The following ZNF618 variants were observed in gnomAD, a reference collection of about 807,000 sequenced individuals.
The protein encoded by ZNF618 is zinc finger protein 618, also known as neural precursor cell expressed, developmentally down-regulated 10.
ZNF618 carries 34 observed loss-of-function variants against 103.0 expected under a neutral mutation model. That is an observed-to-expected ratio of 0.33 (90% confidence interval 0.25 to 0.44). The LOEUF is 0.44. Among genes scored for constraint, ZNF618 ranks in the 20% least tolerant of loss-of-function variants. The pLI is 1.00. For missense variants in ZNF618, 1,059 were observed against 1,295.4 expected (o/e 0.82, Z 2.80); for synonymous variants, 551 against 542.2 (o/e 1.02, Z -0.23).
rs1845038122 is a variant in ZNF618 at position 114,040,346 on chromosome 9, T to A, written c.1246+3969T>A. Reference sequence around the variant, plus strand: ...GCTACTTGTTTTCTTTCTTTTTTTTTTTTTTATTGTACTTTAAGTTCTAGG... The same window carrying A: ...GCTACTTGTTTTCTTTCTTTTTTTTATTTTTATTGTACTTTAAGTTCTAGG... On this transcript the variant is annotated intron_variant, in intron 13 of 14. Coordinates refer to ENST00000374126, the MANE Select transcript of ZNF618 (RefSeq NM_001318042.2). Among the ~76,000 whole-genome samples, 6 of 151,564 alleles carry A rather than the reference T, an allele frequency of 4.0e-5. No homozygotes were observed. In the South Asian group the frequency reaches 1.2e-3, roughly 31 times the overall value.
chr9:113,934,799 C>A (rs952468112), intron 1 of ZNF618, among the ~76,000 whole-genome samples: 20 of 152,184 alleles, frequency 1.3e-4, no homozygotes, highest in Admixed American at 6.5e-4. Context: ...CGTGTGGAGT[C>A]AGGGAAGGCC....
At chr9:113,934,660 T>C (rs1173479409) in intron 1 of ZNF618, among the ~76,000 whole-genome samples, 1 of 152,170 alleles carries the variant, frequency 6.6e-6, no homozygotes, top group Non-Finnish European at 1.5e-5. Context: ...TTGAGAGAAA[T>C]GTACCCGGTT....
intron 1 of ZNF618, among the ~76,000 whole-genome samples, chr9:113,933,841 G>T (rs1306623408): frequency 6.6e-6 from 1 of 152,048 alleles, no homozygotes; most frequent in Non-Finnish European, 1.5e-5. Context: ...GGATAGCAGT[G>T]GGGGAGGGGC....
chr9:113,990,008 C>G (rs1230995211), intron 3 of ZNF618, among the ~76,000 whole-genome samples: 2 of 152,266 alleles, frequency 1.3e-5, no homozygotes, highest in Non-Finnish European at 2.9e-5. Context: ...CCTCCATAAC[C>G]TGAACCTTCT....
At position 114,049,083 on chromosome 9, in the gene ZNF618, T is replaced by G; in HGVS notation, c.1781T>G (p.Leu594Arg). The change falls in exon 15 of 15, where the codon CTT becomes CGT. Residue 594 changes from leucine (L) to arginine (R), a missense_variant. By Grantham distance (102) the Leu-to-Arg change is moderately radical (BLOSUM62 -2). This residue lies in a region of ZNF618 where 272 missense variants were observed against 380.1 expected (regional missense o/e 0.72). Transcript: ENST00000374126. ...KGADIRDSGDLVHHWVQNVLS... is the reference protein window; with the variant it reads ...KGADIRDSGDRVHHWVQNVLS... Reference sequence around the variant, plus strand: ...GCGGACATTCGCGACAGCGGTGACCTTGTGCACCACTGGGTGCAGAACGTG... The same window carrying G: ...GCGGACATTCGCGACAGCGGTGACCGTGTGCACCACTGGGTGCAGAACGTG... The G allele has an allele frequency of 6.2e-7, 1 of 1,613,884 alleles. No homozygotes were observed. The highest frequency in any genetic ancestry group is 1.1e-5 in the South Asian group (1 of 91,090).
intron 10 of ZNF618, among the ~76,000 whole-genome samples, chr9:114,020,651 G>A (rs1289925632): frequency 6.6e-6 from 1 of 151,992 alleles, no homozygotes; most frequent in Admixed American, 6.5e-5. Flanking sequence ...TTGAATTTGT[G>A]TATTGCAAAT....
At position 113,933,895 on chromosome 9, in the gene ZNF618, G is replaced by A. The variant is rs538561072; in HGVS notation, c.34-35222G>A. ...CAGGGTGGTGGATTGCAGCTCCTGT[G>A]GGGGCCAGGATTGGTGGAAGGGTCT... is the stretch of plus-strand genomic sequence containing the variant. On this transcript the variant is annotated intron_variant, in intron 1 of 14. Transcript: ENST00000374126. Among the ~76,000 whole-genome samples the A allele has an allele frequency of 1.2e-4, 18 of 152,176 alleles. No homozygotes were observed. In the South Asian group the frequency reaches 3.5e-3, roughly 30 times the overall value.
At chr9:113,956,386 A>C (rs1836299821) in intron 1 of ZNF618, among the ~76,000 whole-genome samples, 1 of 152,180 alleles carries the variant, frequency 6.6e-6, no homozygotes, top group Non-Finnish European at 1.5e-5. Context: ...ACATGGTCCC[A>C]GGCAGCCACT....
At chr9:113,916,892 A>G (rs1380851864) in intron 1 of ZNF618, among the ~76,000 whole-genome samples, 1 of 152,206 alleles carries the variant, frequency 6.6e-6, no homozygotes, top group Non-Finnish European at 1.5e-5. Flanking sequence ...TTCTTAAGAG[A>G]TTGTTCAAGT....
Position 114,047,929 on chromosome 9 carries a change from G to C in ZNF618, c.1283G>C (p.Arg428Pro), listed in dbSNP as rs371791585. The change falls in exon 14 of 15, where the codon CGA becomes CCA. Residue 428 changes from arginine to proline, a missense_variant. Arg to Pro is a moderately radical substitution (Grantham distance 103). Around this residue, in one of 6 missense-constraint regions of ZNF618, gnomAD observed 434 missense variants for 476.0 expected, o/e 0.91. Transcript: ENST00000374126. ...AACAACATTGCCTCCAACCAGTCCC[G>C]ATCGCCACCTGCTGTTGTAGAAGAG... ...NENNIASNQS[R>P]SPPAVVEEKW... 1.9e-6 allele frequency: 3 copies of C among 1,603,318 alleles called. No homozygotes were observed. The highest frequency in any genetic ancestry group is 1.7e-6 in the Non-Finnish European group (2 of 1,175,048).
At chr9:114,022,601 CAAAAAAAA>C (rs56235947) in intron 10 of ZNF618, among the ~76,000 whole-genome samples, 2 of 90,788 alleles carry the variant, frequency 2.2e-5, no homozygotes, top group East Asian at 3.3e-4. Context: ...TCCACTTGAC[CAAAAAAAA>C]AAAAAAAAAA....
intron 10 of ZNF618, among the ~76,000 whole-genome samples, chr9:114,023,168 A>AT (rs1244280189): frequency 6.6e-6 from 1 of 151,656 alleles, no homozygotes; most frequent in Non-Finnish European, 1.5e-5. Flanking sequence ...ACTATCTTGC[A>AT]TTTTTTCTAT....
In ZNF618 at chr9:114,051,192, T is replaced by C. The variant is rs1250725446; in HGVS notation, c.*1025T>C. The C allele has an allele frequency of 2.0e-5, 3 of 152,656 alleles. No individual in the cohort carries two copies. Among genetic ancestry groups the C allele is most frequent in the Non-Finnish European group, 4.4e-5 (3 of 68,090 alleles). The allele number at this position is 152,656 out of a possible 1,614,324, so 9.5% of individuals were successfully genotyped here. On this transcript the variant is annotated 3_prime_UTR_variant, in exon 15 of 15. Transcript: ENST00000374126. ...AGTTTTGTTTTTTTACTTGCCCCTT[T>C]TGTTCCTCAAGTCACACTGTAAACT...
At chr9:113,971,429 C>G (rs563850650) in intron 2 of ZNF618, among the ~76,000 whole-genome samples, 8 of 152,298 alleles carry the variant, frequency 5.3e-5, no homozygotes, top group Admixed American at 4.6e-4. Flanking sequence ...CTCCCACTTT[C>G]ACTAAGCACC....
intron 13 of ZNF618, among the ~76,000 whole-genome samples, chr9:114,037,934 C>T (rs1253778277): frequency 1.3e-5 from 2 of 152,154 alleles, no homozygotes; most frequent in Non-Finnish European, 2.9e-5. Flanking sequence ...TGCTGTGTGA[C>T]CTCCTGCAGG....
chr9:114,016,254 G>T, intron 9 of ZNF618: 1 of 1,316,928 alleles, frequency 7.6e-7, no homozygotes, highest in Non-Finnish European at 1.1e-6. Flanking sequence ...GGGCAGGGAA[G>T]GTCCTGGAGA....
chr9:113,949,210 G>A (rs1024070009), intron 1 of ZNF618, among the ~76,000 whole-genome samples: 2 of 152,236 alleles, frequency 1.3e-5, no homozygotes, highest in Non-Finnish European at 2.9e-5. Context: ...GGAGGTGGCT[G>A]CTGGCTATTA....
intron 1 of ZNF618, among the ~76,000 whole-genome samples, chr9:113,934,935 G>A (rs992553366): frequency 3.3e-5 from 5 of 152,204 alleles, no homozygotes; most frequent in Admixed American, 6.5e-5. Context: ...TGAAGGAGCC[G>A]TGCAGGATGA....
chr9:113,920,417 T>C (rs1425253015), intron 1 of ZNF618, among the ~76,000 whole-genome samples: 5 of 151,954 alleles, frequency 3.3e-5, no homozygotes, highest in Non-Finnish European at 5.9e-5. Context: ...TTTTTTTTTT[T>C]TTTTGAGATA....
Sources: allele counts gnomAD v4.1 joint callset (sites outside exome capture counted in the v4.1 genomes callset), GRCh38; gene constraint gnomAD v4.1.1; regional missense constraint gnomAD v4.1.1; transcripts MANE v1.5; gene names NCBI Gene and HGNC (gene_info 2026-07-23, HGNC 2026-07-21).